The following ERC1 variants were observed in gnomAD, a reference collection of about 807,000 sequenced individuals.
ERC1 encodes the protein RAB6 interacting protein 2.
In ERC1, 56 loss-of-function variants were observed where a neutral mutation model predicts 132.0. That is an observed-to-expected ratio of 0.42 (90% confidence interval 0.34 to 0.53). The LOEUF is 0.53. Ranked by LOEUF, ERC1 falls within the 20% of genes least tolerant of loss-of-function variation. The probability of loss-of-function intolerance (pLI) is 0.03; values close to 1 mark genes in which losing one functional copy is unlikely to be tolerated. For missense variants in ERC1, 1,202 were observed against 1,349.9 expected (o/e 0.89, Z 1.72); for synonymous variants, 478 against 476.1 (o/e 1.00, Z -0.05).
At chr12:1,397,287 C>T (rs1019027335) in intron 16 of ERC1, among the ~76,000 whole-genome samples, 6 of 152,158 alleles carry the variant, frequency 3.9e-5, no homozygotes, top group African/African-American at 7.2e-5. Context: ...GACTTTGTGA[C>T]CCAGAAGCTT....
intron 13 of ERC1, among the ~76,000 whole-genome samples, chr12:1,250,927 G>C (rs901012955): frequency 1.3e-5 from 2 of 152,098 alleles, no homozygotes; most frequent in Non-Finnish European, 2.9e-5. Context: ...CAGCTCTCCC[G>C]AAACCAATGA....
At chr12:1,317,373 G>A (rs912110644) in intron 15 of ERC1, among the ~76,000 whole-genome samples, 2 of 151,590 alleles carry the variant, frequency 1.3e-5, no homozygotes. Context: ...ATGGACACAG[G>A]GAGGGGAACA....
chr12:1,478,588 T>G (rs895449697), intron 18 of ERC1, among the ~76,000 whole-genome samples: 43 of 152,082 alleles, frequency 2.8e-4, no homozygotes, highest in African/African-American at 1.0e-3. Flanking sequence ...GGTCAGGAGA[T>G]CGAGACCATC....
intron 13 of ERC1, among the ~76,000 whole-genome samples, chr12:1,252,016 A>G (rs1343632369): frequency 6.6e-6 from 1 of 152,158 alleles, no homozygotes; most frequent in African/African-American, 2.4e-5. Flanking sequence ...TGGATACATA[A>G]TAGTTATACA....
intron 8 of ERC1, among the ~76,000 whole-genome samples, chr12:1,176,529 A>G (rs142917252): frequency 2.0e-3 from 306 of 152,186 alleles, no homozygotes; most frequent in Non-Finnish European, 3.9e-3. Context: ...TCCCCTAACA[A>G]GAGAGTCATC....
At chr12:1,082,515 G>A (rs1237101849) in intron 2 of ERC1, among the ~76,000 whole-genome samples, 1 of 127,364 alleles carries the variant, frequency 7.9e-6, no homozygotes, top group Non-Finnish European at 1.6e-5. Flanking sequence ...TTAAGACAGA[G>A]TTTCACTCTT....
rs1423345916 is a variant in ERC1 at position 1,028,008 on chromosome 12, C to T, written c.105C>T (p.Thr35=). The change falls in exon 2 of 19, where the codon ACC becomes ACT. Residue 35 remains threonine (T), a synonymous_variant. Transcript: ENST00000360905. ...PRSPRLGHRR[T]NSTGGSSGSS... ...CCCCTCGCTTGGGTCACCGTCGAAC[C>T]AACAGTACGGGAGGGAGTTCGGGAA... 6.2e-7 allele frequency: 1 copy of T among 1,614,012 alleles called. No individual in the cohort carries two copies. The highest frequency in any genetic ancestry group is 1.3e-5 in the African/African-American group (1 of 74,902).
intron 13 of ERC1, among the ~76,000 whole-genome samples, chr12:1,252,315 A>T (rs545266639): frequency 1.3e-5 from 2 of 152,336 alleles, no homozygotes; most frequent in East Asian, 3.9e-4. Context: ...CTTATGGGCC[A>T]CATCAGTTGT....
intron 14 of ERC1, among the ~76,000 whole-genome samples, chr12:1,273,754 G>GATGT (rs1256296150): frequency 6.6e-6 from 1 of 152,080 alleles, no homozygotes; most frequent in African/African-American, 2.4e-5. Flanking sequence ...TGGATGGATG[G>GATGT]TCGGTCAGTC....
At chr12:1,418,658 T>G (rs2092279202) in intron 17 of ERC1, among the ~76,000 whole-genome samples, 1 of 137,730 alleles carries the variant, frequency 7.3e-6, no homozygotes, top group African/African-American at 2.9e-5. Flanking sequence ...TCTCTCTCTC[T>G]CTCTTTCTTT....
intron 14 of ERC1, among the ~76,000 whole-genome samples, chr12:1,271,937 T>G (rs2077885192): frequency 6.6e-6 from 1 of 152,120 alleles, no homozygotes; most frequent in South Asian, 2.1e-4. Flanking sequence ...GGAAGTCGAG[T>G]CTGAGAGAGG....
chr12:1,212,113 T>C (rs1399308430), intron 12 of ERC1, among the ~76,000 whole-genome samples: 2 of 152,164 alleles, frequency 1.3e-5, no homozygotes, highest in Non-Finnish European at 2.9e-5. Flanking sequence ...AATCTGATTA[T>C]ATCACTTCCT....
chr12:1,213,734 T>C (rs1184986720), intron 12 of ERC1, among the ~76,000 whole-genome samples: 1 of 135,498 alleles, frequency 7.4e-6, no homozygotes, highest in Non-Finnish European at 1.6e-5. Context: ...CAAGACTCCA[T>C]CTCAAAAAAA....
chr12:1,173,295 T>C lies in ERC1; in HGVS notation c.1738-7245T>C, dbSNP rs996004258. On this transcript the variant is annotated intron_variant, in intron 8 of 18. Coordinates refer to ENST00000360905, the MANE Select transcript of ERC1 (RefSeq NM_178040.4). ...GTGATGCTTAAATCATTGTTCCATA[T>C]AAAGTCCTTGCATCAGTACCTGGCA... 3.3e-5 allele frequency among the ~76,000 whole-genome samples: 5 copies of C among 152,208 alleles called. No homozygotes were observed. In the East Asian group the frequency reaches 9.6e-4, roughly 29 times the overall value.
At chr12:1,047,943 A>G (rs959269841) in intron 2 of ERC1, among the ~76,000 whole-genome samples, 4 of 152,266 alleles carry the variant, frequency 2.6e-5, no homozygotes, top group African/African-American at 7.2e-5. Context: ...GGTAGGGGGA[A>G]TTGAGACAGT....
intron 13 of ERC1, among the ~76,000 whole-genome samples, chr12:1,243,480 T>G (rs568853951): frequency 6.6e-6 from 1 of 152,102 alleles, no homozygotes; most frequent in African/African-American, 2.4e-5. Context: ...TGAGAGATAC[T>G]GAGGTCCTAC....
At chr12:1,438,501 C>T (rs1592059104) in intron 17 of ERC1, among the ~76,000 whole-genome samples, 1 of 152,158 alleles carries the variant, frequency 6.6e-6, no homozygotes, top group East Asian at 1.9e-4. Context: ...GTTGAACCTG[C>T]CTCTGAAGAC....
upstream of ERC1, chr12:990,329 G>A (rs1338606241): frequency 6.6e-6 from 1 of 151,804 alleles, no homozygotes; most frequent in Admixed American, 6.6e-5. Context: ...TTAAATTAAT[G>A]GCTGTAGCTA....
At chr12:1,240,160 G>T (rs1044445428) in intron 13 of ERC1, among the ~76,000 whole-genome samples, 1 of 152,154 alleles carries the variant, frequency 6.6e-6, no homozygotes, top group Non-Finnish European at 1.5e-5. Context: ...TTAAAACAAA[G>T]TATTTTTAAA....
Sources: gnomAD v4.1 joint callset for allele counts (sites outside exome capture counted in the v4.1 genomes callset) on GRCh38, gnomAD v4.1.1 for gene constraint, MANE v1.5 for transcripts, NCBI Gene and HGNC (gene_info 2026-07-23, HGNC 2026-07-21) for gene names.